Variants in RALGAPA1 observed in about 807,000 individuals in gnomAD.
RALGAPA1 encodes the protein ral GTPase-activating protein subunit alpha-1.
A neutral mutation model predicts 269.6 loss-of-function variants in RALGAPA1; 52 were observed. That is an observed-to-expected ratio of 0.19 (90% confidence interval 0.15 to 0.24). RALGAPA1 has a LOEUF of 0.24. Ranked by LOEUF, RALGAPA1 falls within the 10% of genes least tolerant of loss-of-function variation. RALGAPA1 has a pLI of 1.00. For synonymous variants in RALGAPA1, 817 were observed against 1,008.3 expected (o/e 0.81, Z 3.60); for missense variants, 1,917 against 3,013.9 (o/e 0.64, Z 8.52).
chr14:35,753,342 G>A (rs946577046), intron 7 of RALGAPA1, among the ~76,000 whole-genome samples: 13 of 152,092 alleles, frequency 8.5e-5, no homozygotes, highest in Non-Finnish European at 1.3e-4. Context: ...AAATGGGGAG[G>A]GGAGAAAGCT....
intron 25 of RALGAPA1, 103 bp downstream of exon 25, chr14:35,672,764 A>G (rs543090567): frequency 9.3e-7 from 1 of 1,070,482 alleles, no homozygotes; most frequent in Non-Finnish European, 1.3e-6. Context: ...TAAGGGGGAG[A>G]GTTTAACTTC....
chr14:35,736,002 A>AT (rs1383865986), intron 12 of RALGAPA1, among the ~76,000 whole-genome samples: 13 of 152,170 alleles, frequency 8.5e-5, no homozygotes, highest in Admixed American at 1.3e-4. Flanking sequence ...AAATGACATA[A>AT]TCTGACTTAC....
chr14:35,674,814 A>T, intron 22 of RALGAPA1, 105 bp from the exon 23 acceptor site: 1 of 572,054 alleles, frequency 1.7e-6, no homozygotes, highest in Non-Finnish European at 3.1e-6. Flanking sequence ...ACAGAAATGA[A>T]TAAAAGAAAT....
At chr14:35,559,611 T>A (rs2055975679) in intron 39 of RALGAPA1, among the ~76,000 whole-genome samples, 1 of 152,166 alleles carries the variant, frequency 6.6e-6, no homozygotes, top group Admixed American at 6.6e-5. Flanking sequence ...CTGATGGAGT[T>A]CTCTTTCTTC....
chr14:35,555,644 G>A (rs2055528544), intron 39 of RALGAPA1, among the ~76,000 whole-genome samples: 1 of 152,108 alleles, frequency 6.6e-6, no homozygotes, highest in African/African-American at 2.4e-5. Context: ...CTAGAGGAAG[G>A]ATACATCCAT....
chr14:35,778,534 T>A (rs918697828), intron 1 of RALGAPA1, among the ~76,000 whole-genome samples: 12 of 152,330 alleles, frequency 7.9e-5, no homozygotes, highest in African/African-American at 2.6e-4. Context: ...GTCTAGCATC[T>A]TTAGAATAGA....
rs565270578 is a variant in RALGAPA1 at position 35,683,638 on chromosome 14, C to T, written c.4471+171G>A. ...TCCTCTGAAGCTTAACCCAGTGGAC[C>T]TCAGGTCAAGAAACTAATGTCTTTT... On this transcript the variant is annotated intron_variant, in intron 21 of 41. Coordinates refer to ENST00000680220, the MANE Select transcript of RALGAPA1 (RefSeq NM_001346249.2). 69 of 540,382 alleles carry T rather than the reference C, an allele frequency of 1.3e-4. No individual in the cohort carries two copies. In the South Asian group the frequency reaches 2.4e-3, roughly 19 times the overall value. The allele number at this position is 540,382 out of a possible 1,614,324, so 33.5% of individuals were successfully genotyped here. A position where few individuals can be genotyped will look rare whatever the true frequency, so the allele number is the denominator to read the frequency against.
chr14:35,653,137 G>A (rs569684707), intron 30 of RALGAPA1, among the ~76,000 whole-genome samples: 1 of 152,064 alleles, frequency 6.6e-6, no homozygotes, highest in Non-Finnish European at 1.5e-5. Context: ...TGTTCTCTTG[G>A]CTTATGACTC....
In RALGAPA1 at chr14:35,688,815, C is replaced by T; in HGVS notation, c.3596G>A (p.Ser1199Asn). The change falls in exon 18 of 42, where the codon AGC (serine) becomes AAC (asparagine). Residue 1199 changes from serine (S) to asparagine (N), a missense_variant. Around this residue, in one of 11 missense-constraint regions of RALGAPA1, gnomAD observed 615 missense variants for 790.0 expected, o/e 0.78. Coordinates refer to ENST00000680220, the MANE Select transcript of RALGAPA1 (RefSeq NM_001346249.2). ...SNSSTSNTHT[S>N]TNSATELVKP... ...TACTAGCTCTGTAGCACTATTTGTG[C>T]TGGTATGGGTGTTGCTAGTGCTGCT... 1.4e-6 allele frequency: 2 copies of T among 1,382,820 alleles called. No homozygotes were observed. Among genetic ancestry groups the T allele is most frequent in the South Asian group, 3.9e-5 (2 of 51,388 alleles). The allele number at this position is 1,382,820 out of a possible 1,614,324, so 85.7% of individuals were successfully genotyped here.
intron 31 of RALGAPA1, among the ~76,000 whole-genome samples, chr14:35,646,853 A>G (rs2062465439): frequency 6.6e-6 from 1 of 152,206 alleles, no homozygotes; most frequent in African/African-American, 2.4e-5. Flanking sequence ...TCTCTATTTC[A>G]TACTACATAC....
chr14:35,798,535 G>A (rs916025832), intron 1 of RALGAPA1, among the ~76,000 whole-genome samples: 1 of 152,118 alleles, frequency 6.6e-6, no homozygotes, highest in Admixed American at 6.6e-5. Context: ...TCAAGGTGAC[G>A]AATATCCTAA....
At chr14:35,675,965 G>A (rs1166816538) in intron 22 of RALGAPA1, among the ~76,000 whole-genome samples, 3 of 151,522 alleles carry the variant, frequency 2.0e-5, no homozygotes, top group Non-Finnish European at 2.9e-5. Flanking sequence ...GTATATAACT[G>A]ACTGTATTAT....
chr14:35,795,958 A>G (rs1266295927), intron 1 of RALGAPA1, among the ~76,000 whole-genome samples: 1 of 152,112 alleles, frequency 6.6e-6, no homozygotes, highest in African/African-American at 2.4e-5. Flanking sequence ...GAACGAAACA[A>G]AAAAAGAATT....
intron 39 of RALGAPA1, among the ~76,000 whole-genome samples, chr14:35,563,201 C>T (rs1247417744): frequency 6.6e-6 from 1 of 151,980 alleles, no homozygotes; most frequent in Non-Finnish European, 1.5e-5. Flanking sequence ...CTAATATATA[C>T]ACACACAGTA....
chr14:35,577,948 T>G (rs1395986980), intron 37 of RALGAPA1, among the ~76,000 whole-genome samples: 1 of 152,206 alleles, frequency 6.6e-6, no homozygotes, highest in Non-Finnish European at 1.5e-5. Flanking sequence ...GTACTTTCCT[T>G]CCTATTCCTC....
intron 1 of RALGAPA1, among the ~76,000 whole-genome samples, chr14:35,800,487 A>G (rs2076887144): frequency 6.6e-6 from 1 of 152,244 alleles, no homozygotes; most frequent in South Asian, 2.1e-4. Flanking sequence ...ACTTGTAAAT[A>G]ACCCATGGAT....
At chr14:35,582,169 T>G (rs72642578) in intron 37 of RALGAPA1, among the ~76,000 whole-genome samples, 13,277 of 152,220 alleles carry the variant, frequency 0.087, 842 homozygotes, top group East Asian at 0.31. Flanking sequence ...TTCCTAGAAC[T>G]GGCAAATTCA....
intron 1 of RALGAPA1, among the ~76,000 whole-genome samples, chr14:35,806,251 AACTAAC>A (rs1388288135): frequency 6.6e-6 from 1 of 152,214 alleles, no homozygotes; most frequent in African/African-American, 2.4e-5. Flanking sequence ...AGTAGAACAA[AACTAAC>A]ACTAAGTCAA....
At chr14:35,619,887 A>G (rs935193278) in intron 35 of RALGAPA1, among the ~76,000 whole-genome samples, 3 of 152,228 alleles carry the variant, frequency 2.0e-5, no homozygotes, top group South Asian at 2.1e-4. Context: ...GTCCAGGACT[A>G]CAAACCAAAA....
Sources: gnomAD v4.1 joint callset for allele counts (sites outside exome capture counted in the v4.1 genomes callset) on GRCh38, gnomAD v4.1.1 for gene constraint, gnomAD v4.1.1 regional missense constraint, MANE v1.5 for transcripts, NCBI Gene and HGNC (gene_info 2026-07-23, HGNC 2026-07-21) for gene names.